The following CLEC1A variants were observed in gnomAD, a reference collection of about 807,000 sequenced individuals.
The protein encoded by CLEC1A is C-type lectin-like receptor-1.
CLEC1A carries 34 observed loss-of-function variants against 28.7 expected under a neutral mutation model. The ratio of observed to expected loss-of-function variants is 1.18; its 90% CI spans 0.90 to 1.57. The LOEUF is 1.57. CLEC1A is among the 40% of genes most tolerant of loss of function. CLEC1A has a pLI of 0.00. For missense variants in CLEC1A, 385 were observed against 339.5 expected (o/e 1.13, Z -1.05); for synonymous variants, 116 against 121.0 (o/e 0.96, Z 0.27).
At chr12:10,092,965 A>G (rs1374345409) in intron 1 of CLEC1A, among the ~76,000 whole-genome samples, 1 of 152,060 alleles carries the variant, frequency 6.6e-6, no homozygotes, top group East Asian at 1.9e-4. Flanking sequence ...CAATCATTCT[A>G]TATAAAAGAC....
At chr12:10,075,866 C>G (rs888012126) in intron 3 of CLEC1A, among the ~76,000 whole-genome samples, 1 of 152,134 alleles carries the variant, frequency 6.6e-6, no homozygotes, top group African/African-American at 2.4e-5. Flanking sequence ...GAAATTAAAA[C>G]AGACACTAAT....
At chr12:10,089,797 T>C (rs532675770) in intron 1 of CLEC1A, among the ~76,000 whole-genome samples, 1 of 152,328 alleles carries the variant, frequency 6.6e-6, no homozygotes, top group South Asian at 2.1e-4. Context: ...TGTAAGGATA[T>C]TGTTTATTCA....
intron 4 of CLEC1A, among the ~76,000 whole-genome samples, chr12:10,074,176 C>G (rs1565598659): frequency 6.6e-6 from 1 of 152,036 alleles, no homozygotes; most frequent in African/African-American, 2.4e-5. Context: ...AATATTTTAA[C>G]ATAGAAATTA....
At chr12:10,081,712 C>A (rs565679792) in intron 2 of CLEC1A, among the ~76,000 whole-genome samples, 1 of 150,856 alleles carries the variant, frequency 6.6e-6, no homozygotes, top group East Asian at 1.9e-4. Flanking sequence ...ACACTGTGAA[C>A]TTTTCCTCCA....
chr12:10,085,916 A>G (rs1280024144), intron 2 of CLEC1A, among the ~76,000 whole-genome samples: 1 of 152,228 alleles, frequency 6.6e-6, no homozygotes, highest in Non-Finnish European at 1.5e-5. Flanking sequence ...ACATTCTCCA[A>G]CAAAGGCCAT....
At chr12:10,081,191 T>C in intron 3 of CLEC1A, 46 bp downstream of exon 3, 1 of 1,456,876 alleles carries the variant, frequency 6.9e-7, no homozygotes, top group Non-Finnish European at 9.2e-7. Context: ...AATCCATCTC[T>C]CTGTTTCCAG....
At chr12:10,093,581 C>T (rs578124588) in intron 1 of CLEC1A, among the ~76,000 whole-genome samples, 2 of 151,884 alleles carry the variant, frequency 1.3e-5, no homozygotes, top group South Asian at 2.1e-4. Flanking sequence ...GCTGACATTA[C>T]CATATACAGT....
intron 2 of CLEC1A, among the ~76,000 whole-genome samples, chr12:10,085,979 C>T (rs1407391807): frequency 6.6e-6 from 1 of 152,122 alleles, no homozygotes; most frequent in Admixed American, 6.5e-5. Flanking sequence ...GAAATTATAT[C>T]AAGTATTCTC....
At chr12:10,091,041 C>T (rs371695416) in intron 1 of CLEC1A, among the ~76,000 whole-genome samples, 4 of 152,202 alleles carry the variant, frequency 2.6e-5, no homozygotes, top group East Asian at 1.9e-4. Context: ...CTTGTATCAG[C>T]CCTACTTCTG....
rs537117630 is a variant in CLEC1A, at chr12:10,084,019, C to A, written c.215-2606G>T. On this transcript the variant is annotated intron_variant, in intron 2 of 5. Transcript: ENST00000315330. ...AAGATAATAGAAAAAAAAAAATGAA[C>A]AAAGTCTCCAAGTAAGTTGGAGTTA... 2.6e-5 allele frequency among the ~76,000 whole-genome samples: 4 copies of A among 151,350 alleles called. No individual in the cohort carries two copies. The East Asian group carries it at 7.7e-4, about 29-fold the overall frequency.
chr12:10,080,150 A>C (rs1329726517), intron 3 of CLEC1A, among the ~76,000 whole-genome samples: 1 of 152,150 alleles, frequency 6.6e-6, no homozygotes. Flanking sequence ...CTCTACTAAA[A>C]ATACAAGAAA....
intron 1 of CLEC1A, among the ~76,000 whole-genome samples, chr12:10,096,619 C>T (rs1332765188): frequency 6.6e-6 from 1 of 150,802 alleles, no homozygotes; most frequent in African/African-American, 2.4e-5. Context: ...ATCAGCATGC[C>T]CTAAAATCCC....
chr12:10,082,828 A>T (rs1016819001), intron 2 of CLEC1A, among the ~76,000 whole-genome samples: 2 of 152,226 alleles, frequency 1.3e-5, no homozygotes, highest in Admixed American at 1.3e-4. Flanking sequence ...TGCCTGCAAC[A>T]TCCTGGCTAA....
chr12:10,085,003 A>G (rs1228104573), intron 2 of CLEC1A, among the ~76,000 whole-genome samples: 1 of 152,112 alleles, frequency 6.6e-6, no homozygotes, highest in Non-Finnish European at 1.5e-5. Flanking sequence ...TTTTGTATCC[A>G]GTGAAACTGA....
chr12:10,093,143 T>C (rs1947728331), intron 1 of CLEC1A, among the ~76,000 whole-genome samples: 1 of 152,148 alleles, frequency 6.6e-6, no homozygotes, highest in Non-Finnish European at 1.5e-5. Context: ...TTATTCCAAG[T>C]GCTCCTAATC....
chr12:10,072,933 A>G (rs1422726356), intron 5 of CLEC1A, among the ~76,000 whole-genome samples: 1 of 152,156 alleles, frequency 6.6e-6, no homozygotes, highest in Non-Finnish European at 1.5e-5. Context: ...ACAAAAAATT[A>G]GCTGCATGTA....
At position 10,073,401 on chromosome 12, in the gene CLEC1A, G is replaced by T. The variant is rs138928396; in HGVS notation, c.554C>A (p.Ala185Glu). Reference sequence around the variant, plus strand: ...GAAAAACTCAGAGTAGCTCTGAGACGCGGCAAATTCCTGTGAAAAGCACAT... The same window carrying T: ...GAAAAACTCAGAGTAGCTCTGAGACTCGGCAAATTCCTGTGAAAAGCACAT... ...INKQEDLEFA[A>E]SQSYSEFFYS... The change falls in exon 5 of 6, where the codon GCG becomes GAG. Residue 185 changes from alanine to glutamate, a missense_variant. By Grantham distance (107) the Ala-to-Glu change is moderately radical (BLOSUM62 -1). Coordinates refer to ENST00000315330, the MANE Select transcript of CLEC1A (RefSeq NM_016511.4). The T allele has an allele frequency of 6.2e-7, 1 of 1,612,008 alleles. No homozygotes were observed. The highest frequency in any genetic ancestry group is 8.5e-7 in the Non-Finnish European group (1 of 1,178,578).
At chr12:10,091,389 G>T (rs907539844) in intron 1 of CLEC1A, among the ~76,000 whole-genome samples, 1 of 148,444 alleles carries the variant, frequency 6.7e-6, no homozygotes, top group African/African-American at 2.6e-5. Flanking sequence ...AAGTTTACAG[G>T]TTTTTGTTTT....
chr12:10,073,674 G>A (rs767797354), intron 4 of CLEC1A, among the ~76,000 whole-genome samples: 1 of 152,162 alleles, frequency 6.6e-6, no homozygotes, highest in South Asian at 2.1e-4. Context: ...ATTTGTTCCT[G>A]ACCCATGGCT....
Sources: gnomAD v4.1 joint callset for allele counts (sites outside exome capture counted in the v4.1 genomes callset) on GRCh38, gnomAD v4.1.1 for gene constraint, MANE v1.5 for transcripts, NCBI Gene and HGNC (gene_info 2026-07-23, HGNC 2026-07-21) for gene names.